DIS3L2: variants seen among roughly 807,000 people sequenced by gnomAD.
DIS3L2 encodes the protein DIS3 like 3'-5' exoribonuclease 2, also known as DIS3-like exonuclease 2.
In DIS3L2, 34 loss-of-function variants were observed where a neutral mutation model predicts 97.5. That is an observed-to-expected ratio of 0.35 (90% CI 0.27 to 0.46). The LOEUF (loss-of-function observed/expected upper bound fraction) is 0.46, where lower values mean the gene tolerates loss of function less well. DIS3L2 is among the 20% of genes least tolerant of loss of function. The pLI is 1.00. For missense variants in DIS3L2, 1,038 were observed against 1,146.0 expected (o/e 0.91, Z 1.36); for synonymous variants, 435 against 445.2 (o/e 0.98, Z 0.29).
At chr2:232,100,196 T>A (rs918284448) in intron 6 of DIS3L2, among the ~76,000 whole-genome samples, 12 of 141,826 alleles carry the variant, frequency 8.5e-5, no homozygotes, top group Non-Finnish European at 1.3e-4. Context: ...GCTAATATTT[T>A]TTTTTTTTTT....
At chr2:231,965,536 CT>C (rs1692685145) in intron 1 of DIS3L2, among the ~76,000 whole-genome samples, 1 of 151,526 alleles carries the variant, frequency 6.6e-6, no homozygotes, top group Non-Finnish European at 1.5e-5. Flanking sequence ...GATGATCAAA[CT>C]TTTAAGTCCT....
At chr2:232,042,689 A>G (rs1278165165) in intron 5 of DIS3L2, among the ~76,000 whole-genome samples, 3 of 152,228 alleles carry the variant, frequency 2.0e-5, no homozygotes, top group African/African-American at 7.2e-5. Context: ...TTTGTAATTC[A>G]AGTTGAAATG....
intron 14 of DIS3L2, among the ~76,000 whole-genome samples, chr2:232,318,081 G>A (rs1695326462): frequency 6.6e-6 from 1 of 152,204 alleles, no homozygotes; most frequent in South Asian, 2.1e-4. Flanking sequence ...ATAAAGTGAA[G>A]CTGCCGATCC....
chr2:232,259,258 C>G (rs1693652569), intron 12 of DIS3L2, among the ~76,000 whole-genome samples: 1 of 151,666 alleles, frequency 6.6e-6, no homozygotes, highest in Non-Finnish European at 1.5e-5. Context: ...GACATCTTAT[C>G]TATCTTGACT....
intron 8 of DIS3L2, among the ~76,000 whole-genome samples, chr2:232,154,749 C>A (rs1321639352): frequency 6.7e-6 from 1 of 149,786 alleles, no homozygotes; most frequent in East Asian, 2.0e-4. Context: ...AGCTTCCCAG[C>A]TGCTTTGTTT....
intron 9 of DIS3L2, among the ~76,000 whole-genome samples, chr2:232,175,609 A>G (rs1691128451): frequency 6.6e-6 from 1 of 151,794 alleles, no homozygotes; most frequent in African/African-American, 2.4e-5. Flanking sequence ...GGGTACATGT[A>G]TGTACGGGTT....
intron 8 of DIS3L2, among the ~76,000 whole-genome samples, chr2:232,140,888 G>A (rs549844989): frequency 5.9e-5 from 9 of 152,046 alleles, no homozygotes; most frequent in Non-Finnish European, 1.2e-4. Flanking sequence ...ACATCACATC[G>A]CCCACATTTT....
At chr2:232,071,107 T>C (rs190396210) in intron 5 of DIS3L2, among the ~76,000 whole-genome samples, 217 of 152,328 alleles carry the variant, frequency 1.4e-3, no homozygotes, top group African/African-American at 4.8e-3. Flanking sequence ...ATTTTTCTTT[T>C]TTTTCTTAAA....
chr2:231,974,268 A>G (rs1354290812), intron 1 of DIS3L2, among the ~76,000 whole-genome samples: 1 of 152,172 alleles, frequency 6.6e-6, no homozygotes, highest in Non-Finnish European at 1.5e-5. Flanking sequence ...GCTGGAGCAG[A>G]AGGACACCTC....
downstream of DIS3L2, among the ~76,000 whole-genome samples, chr2:232,338,323 C>CTATG (rs992322392): frequency 1.3e-5 from 2 of 152,202 alleles, no homozygotes; most frequent in African/African-American, 4.8e-5. Context: ...ACACCTGTCC[C>CTATG]TATGTCCCAG....
chr2:232,116,043 A>G (rs747269661), intron 6 of DIS3L2, among the ~76,000 whole-genome samples: 8 of 152,092 alleles, frequency 5.3e-5, no homozygotes, highest in South Asian at 2.1e-4. Context: ...ATGGTGCCGG[A>G]CACTTGTAAT....
rs1160963848 is a variant in DIS3L2, at chr2:232,325,559, G to C, written c.1740-4254G>C. Among the ~76,000 whole-genome samples, 1 of 152,148 alleles carries C rather than the reference G, an allele frequency of 6.6e-6. No homozygotes were observed. Among genetic ancestry groups the C allele is most frequent in the Admixed American group, 6.5e-5 (1 of 15,282 alleles). On this transcript the variant is annotated intron_variant, in intron 14 of 20. Transcript: ENST00000325385. This position sits in a 1 kb window ranked among gnomAD's most constrained non-coding sequence, Gnocchi z 4.6. ...GAGAGGTGCTGGGAGTGAGTGCCGA[G>C]GAGCTGGGGTCCTGGCCCTGCAGCC...
downstream of DIS3L2, among the ~76,000 whole-genome samples, chr2:232,339,047 C>T (rs1319586505): frequency 6.6e-6 from 1 of 152,236 alleles, no homozygotes; most frequent in Non-Finnish European, 1.5e-5. Context: ...CCTGAAGGGT[C>T]AGTGCTGGCC....
At chr2:232,027,552 C>CT (rs752054222) in intron 4 of DIS3L2, among the ~76,000 whole-genome samples, 19 of 152,122 alleles carry the variant, frequency 1.2e-4, no homozygotes, top group Non-Finnish European at 2.5e-4. Context: ...TTTGTTTAAA[C>CT]TATTTAGGTT....
In DIS3L2 at chr2:232,029,964, C is replaced by G. The variant is rs114804860; in HGVS notation, c.265-15C>G. ...TTTTAAGCTCACTATTGTTTTATTT[C>G]TTTTTCCAACCTAGGATGGTGATCG... On this transcript the variant is annotated splice_polypyrimidine_tract_variant and intron_variant, in intron 4 of 20. Transcript: ENST00000325385. 6.4e-7 allele frequency: 1 copy of G among 1,568,940 alleles called. No individual in the cohort carries two copies.
rs566384036 is a variant in DIS3L2 at position 232,061,455 on chromosome 2, A to G, written c.367-26032A>G. The stretch of plus-strand genomic sequence containing the variant: ...AATCTTTGGGCAGGTCTTAGCTTGA[A>G]AAGATCAACCACAATGAAGATAAGC... On this transcript the variant is annotated intron_variant, in intron 5 of 20. Transcript: ENST00000325385. Among the ~76,000 whole-genome samples the G allele has an allele frequency of 2.0e-5, 3 of 152,346 alleles. No individual in the cohort carries two copies. The East Asian group carries it at 5.8e-4, about 29-fold the overall frequency.
chr2:232,016,908 C>CCCT (rs915538043), intron 3 of DIS3L2, among the ~76,000 whole-genome samples: 2 of 128,500 alleles, frequency 1.6e-5, no homozygotes, highest in African/African-American at 5.7e-5. Context: ...TCCCCTCCCT[C>CCCT]CCTCCCTCCC....
At chr2:232,058,318 G>A (rs1470238183) in intron 5 of DIS3L2, among the ~76,000 whole-genome samples, 3 of 152,122 alleles carry the variant, frequency 2.0e-5, no homozygotes, top group Non-Finnish European at 2.9e-5. Context: ...GGTTCTTGAC[G>A]GCTCTAATTC....
At chr2:232,044,854 A>G (rs1574834080) in intron 5 of DIS3L2, among the ~76,000 whole-genome samples, 1 of 151,944 alleles carries the variant, frequency 6.6e-6, no homozygotes, top group East Asian at 1.9e-4. Flanking sequence ...AAGTTGAGGA[A>G]CTCCTGACCT....
Sources: allele counts gnomAD v4.1 joint callset (sites outside exome capture counted in the v4.1 genomes callset), GRCh38; gene constraint gnomAD v4.1.1; non-coding constraint Gnocchi (gnomAD v3.1); transcripts MANE v1.5; gene names NCBI Gene and HGNC (gene_info 2026-07-23, HGNC 2026-07-21).